Variants in MTMR14 observed in about 807,000 individuals in gnomAD.
MTMR14 encodes myotubularin related protein 14, also known as phosphatidylinositol-3,5-bisphosphate 3-phosphatase MTMR14.
MTMR14 carries 48 observed loss-of-function variants against 86.3 expected under a neutral mutation model. The ratio of observed to expected loss-of-function variants is 0.56; its 90% CI spans 0.44 to 0.71. The LOEUF (loss-of-function observed/expected upper bound fraction) is 0.71. Among genes scored for constraint, MTMR14 ranks in the 30% least tolerant of loss-of-function variants. The probability of loss-of-function intolerance (pLI) is 0.00; values close to 1 mark genes in which losing one functional copy is unlikely to be tolerated. For missense variants in MTMR14, 780 were observed against 834.6 expected (o/e 0.93, Z 0.81); for synonymous variants, 366 against 326.1 (o/e 1.12, Z -1.32).
At chr3:9,670,670 G>A (rs1271829973) in intron 5 of MTMR14, among the ~76,000 whole-genome samples, 2 of 152,132 alleles carry the variant, frequency 1.3e-5, no homozygotes, top group East Asian at 3.9e-4. Flanking sequence ...GGGGGAAAAG[G>A]AGGGGGTGGA....
At chr3:9,655,682 C>T (rs1325440961) in intron 2 of MTMR14, among the ~76,000 whole-genome samples, 1 of 150,790 alleles carries the variant, frequency 6.6e-6, no homozygotes, top group African/African-American at 2.4e-5. Context: ...AGGCTGGTCT[C>T]GAACCCCTGA....
chr3:9,691,177 C>A (rs1254278100), intron 17 of MTMR14, among the ~76,000 whole-genome samples: 2 of 152,180 alleles, frequency 1.3e-5, no homozygotes, highest in Non-Finnish European at 2.9e-5. Flanking sequence ...CCACAGGGGC[C>A]CCATGTGCTC....
At position 9,649,581 on chromosome 3, in the gene MTMR14, G is replaced by C. The variant is rs1158766240; in HGVS notation, c.-3G>C. 1 of 1,543,618 alleles carries C rather than the reference G, an allele frequency of 6.5e-7. No individual in the cohort carries two copies. Among genetic ancestry groups the C allele is most frequent in the Non-Finnish European group, 8.7e-7 (1 of 1,144,636 alleles). The stretch of plus-strand genomic sequence containing the variant: ...GCACACTGAGGGGACGCGGGGCTGG[G>C]CCATGGCCGGCGCTCGGGCCGCCGC... On this transcript the variant is annotated 5_prime_UTR_variant, in exon 1 of 19. Transcript: ENST00000296003.
At chr3:9,653,387 A>G (rs2047419539) in intron 1 of MTMR14, among the ~76,000 whole-genome samples, 1 of 151,956 alleles carries the variant, frequency 6.6e-6, no homozygotes, top group East Asian at 1.9e-4. Context: ...AATGCTCAAT[A>G]CCCACAATTT....
intron 9 of MTMR14, 107 bp from the exon 10 acceptor site, chr3:9,683,071 A>T (rs1469101805): frequency 2.0e-6 from 2 of 979,346 alleles, no homozygotes; most frequent in East Asian, 2.6e-5. Flanking sequence ...GTAACCAAGG[A>T]CCTTGTGTAG....
At chr3:9,699,170 C>CA (rs113659946) in intron 18 of MTMR14, among the ~76,000 whole-genome samples, 10,067 of 121,196 alleles carry the variant, frequency 0.083, 433 homozygotes, top group South Asian at 0.15. Context: ...GAAACTCTCT[C>CA]AAAAAAAAAA....
chr3:9,670,714 T>C (rs1020283560), intron 5 of MTMR14, among the ~76,000 whole-genome samples: 1 of 152,212 alleles, frequency 6.6e-6, no homozygotes, highest in Non-Finnish European at 1.5e-5. Flanking sequence ...GGAAAGATTC[T>C]ATCAGCCACC....
chr3:9,678,749 C>T (rs1213999493), intron 9 of MTMR14, among the ~76,000 whole-genome samples: 1 of 152,188 alleles, frequency 6.6e-6, no homozygotes, highest in East Asian at 1.9e-4. Context: ...TTATCCCTGG[C>T]GAGTTGGATG....
rs753422401 is a variant in MTMR14 at position 9,684,611 on chromosome 3, A to T, written c.991A>T (p.Ile331Phe). ...TGACAGCGGGCTGCTGGTACACTGT[A>T]TCTCAGGCTGGGATCGGACCCCCCT... ...DDDSGLLVHCISGWDRTPLFI... is the reference protein window; with the variant it reads ...DDDSGLLVHCFSGWDRTPLFI... Residue 331 changes from isoleucine to phenylalanine, a missense_variant, in exon 11 of 19, where the codon ATC (isoleucine) becomes TTC (phenylalanine). Coordinates refer to ENST00000296003, the MANE Select transcript of MTMR14 (RefSeq NM_001077525.3). The T allele has an allele frequency of 4.3e-6, 7 of 1,613,924 alleles. No homozygotes were observed.
intron 17 of MTMR14, among the ~76,000 whole-genome samples, chr3:9,696,705 A>G (rs769338252): frequency 1.1e-4 from 16 of 152,178 alleles, no homozygotes; most frequent in Non-Finnish European, 1.8e-4. Flanking sequence ...AGCCCTTGAC[A>G]TCAGCCAGCT....
chr3:9,698,532 G>A (rs542728420), intron 18 of MTMR14, among the ~76,000 whole-genome samples: 3 of 152,340 alleles, frequency 2.0e-5, no homozygotes, highest in African/African-American at 7.2e-5. Flanking sequence ...CCTCAGCTGT[G>A]GTGCCTGAGG....
Position 9,662,262 on chromosome 3 carries a change from G to A in MTMR14, c.309-5G>A, listed in dbSNP as rs199534427. 1.2e-6 allele frequency: 2 copies of A among 1,612,612 alleles called. No individual in the cohort carries two copies. The highest frequency in any genetic ancestry group is 1.7e-4 in the Middle Eastern group (1 of 5,998). ...CTTGACCTGCTTCTCTTGCCTGTGT[G>A]TTAGGTTTGAGAGTACCGTACAGGT... On this transcript the variant is annotated splice_region_variant and splice_polypyrimidine_tract_variant and intron_variant, in intron 2 of 18. Transcript: ENST00000296003.
intron 17 of MTMR14, 103 bp downstream of exon 17, chr3:9,690,246 G>C (rs895909136): frequency 7.7e-7 from 1 of 1,303,286 alleles, no homozygotes; most frequent in Non-Finnish European, 1.1e-6. Context: ...TCAAGATGGG[G>C]TTCCTAAGCT....
At chr3:9,693,237 T>A (rs772881549) in intron 17 of MTMR14, among the ~76,000 whole-genome samples, 1 of 152,084 alleles carries the variant, frequency 6.6e-6, no homozygotes, top group South Asian at 2.1e-4. Flanking sequence ...ACATAAACAA[T>A]AGAAAGTAAT....
intron 1 of MTMR14, among the ~76,000 whole-genome samples, chr3:9,651,673 AC>A (rs2047301395): frequency 6.6e-6 from 1 of 151,760 alleles, no homozygotes; most frequent in African/African-American, 2.4e-5. Context: ...CTTCTTGCAA[AC>A]TTTTTTTTTC....
intron 2 of MTMR14, among the ~76,000 whole-genome samples, chr3:9,661,814 A>G (rs2047950529): frequency 6.6e-6 from 1 of 151,870 alleles, no homozygotes; most frequent in Non-Finnish European, 1.5e-5. Context: ...GAAAAACTTA[A>G]TATATCTCAT....
intron 9 of MTMR14, 117 bp from the exon 10 acceptor site, chr3:9,683,052 CTATGGTCTG>C: frequency 1.3e-6 from 1 of 777,484 alleles, no homozygotes; most frequent in Non-Finnish European, 2.1e-6. Flanking sequence ...GATTCAAAAC[CTATGGTCTG>C]TAACCAAGGA....
chr3:9,689,333 G>A (rs1417463209), intron 16 of MTMR14, among the ~76,000 whole-genome samples: 1 of 152,230 alleles, frequency 6.6e-6, no homozygotes, highest in Non-Finnish European at 1.5e-5. Flanking sequence ...GCTGGGCAGG[G>A]TAGGGCAGGG....
chr3:9,666,405 T>C (rs2048258938), intron 3 of MTMR14, among the ~76,000 whole-genome samples: 1 of 152,192 alleles, frequency 6.6e-6, no homozygotes. Context: ...AGTGCTGGGA[T>C]TACAGGCGTG....
Sources: allele counts gnomAD v4.1 joint callset (sites outside exome capture counted in the v4.1 genomes callset), GRCh38; gene constraint gnomAD v4.1.1; transcripts MANE v1.5; gene names NCBI Gene and HGNC (gene_info 2026-07-23, HGNC 2026-07-21).